SLC39A10: variants seen among roughly 807,000 people sequenced by gnomAD.
SLC39A10 encodes the protein zinc transporter ZIP10.
A neutral mutation model predicts 65.1 loss-of-function variants in SLC39A10; 13 were observed. That is an observed-to-expected ratio of 0.20 (90% CI 0.13 to 0.32). The LOEUF (loss-of-function observed/expected upper bound fraction) is 0.32. Among genes scored for constraint, SLC39A10 ranks in the 10% least tolerant of loss-of-function variants. The pLI is 1.00. For synonymous variants in SLC39A10, 321 were observed against 342.2 expected (o/e 0.94, Z 0.68); for missense variants, 831 against 1,018.4 (o/e 0.82, Z 2.50).
chr2:195,682,238 T>C (rs773837523), intron 2 of SLC39A10, among the ~76,000 whole-genome samples: 1 of 152,214 alleles, frequency 6.6e-6, no homozygotes, highest in Non-Finnish European at 1.5e-5. Context: ...GTTGTTCATA[T>C]GTATAGAAAG....
chr2:195,683,556 A>T, intron 2 of SLC39A10, 143 bp from the exon 3 acceptor site: 1 of 631,956 alleles, frequency 1.6e-6, no homozygotes, highest in Non-Finnish European at 2.6e-6. Context: ...TTCTTATTAA[A>T]AAGTTTTATT....
intron 4 of SLC39A10, among the ~76,000 whole-genome samples, chr2:195,708,426 A>G (rs745709506): frequency 5.9e-5 from 9 of 152,208 alleles, no homozygotes; most frequent in Non-Finnish European, 8.8e-5. Flanking sequence ...TCTTATTCTT[A>G]TAGCATTTGA....
At chr2:195,731,368 C>T (rs1366099071) in intron 9 of SLC39A10, among the ~76,000 whole-genome samples, 2 of 152,128 alleles carry the variant, frequency 1.3e-5, no homozygotes, top group African/African-American at 4.8e-5. Context: ...AAATTTAAAT[C>T]TCCCCTTCAA....
intron 1 of SLC39A10, among the ~76,000 whole-genome samples, chr2:195,675,468 C>A (rs1015390710): frequency 6.6e-6 from 1 of 152,200 alleles, no homozygotes; most frequent in Non-Finnish European, 1.5e-5. Context: ...CATAGTCTCG[C>A]TCTGTCGCCC....
rs990994447 is a variant in SLC39A10, at chr2:195,736,152, A to G, written c.*1111A>G. The G allele has an allele frequency of 2.6e-5, 4 of 152,626 alleles. No homozygotes were observed. Among genetic ancestry groups the G allele is most frequent in the African/African-American group, 4.8e-5 (2 of 41,450 alleles). 9.5% of individuals were successfully genotyped at this position (152,626 alleles called of 1,614,324 possible). A position where few individuals can be genotyped will look rare whatever the true frequency, so the allele number is the denominator to read the frequency against. Reference sequence around the variant, plus strand: ...ATTGCCATGGCTGTCATGGTACCCAAGTGACTTGGAAGATGCATTTAAATT... The same window carrying G: ...ATTGCCATGGCTGTCATGGTACCCAGGTGACTTGGAAGATGCATTTAAATT... On this transcript the variant is annotated 3_prime_UTR_variant, in exon 10 of 10. Coordinates refer to ENST00000359634, the MANE Select transcript of SLC39A10 (RefSeq NM_020342.3).
At chr2:195,709,065 C>A (rs1291363063) in intron 5 of SLC39A10, among the ~76,000 whole-genome samples, 1 of 152,076 alleles carries the variant, frequency 6.6e-6, no homozygotes, top group African/African-American at 2.4e-5. Flanking sequence ...CCCTCTGTCA[C>A]CTAGGCTGCA....
chr2:195,723,888 C>T (rs994344308), intron 8 of SLC39A10, among the ~76,000 whole-genome samples: 13 of 152,176 alleles, frequency 8.5e-5, no homozygotes, highest in African/African-American at 3.1e-4. Context: ...CAATCCTGCA[C>T]ATGTACCCCA....
chr2:195,718,454 C>A, intron 8 of SLC39A10, 122 bp downstream of exon 8: 1 of 591,214 alleles, frequency 1.7e-6, no homozygotes, highest in Non-Finnish European at 3.0e-6. Flanking sequence ...TATAGTGTCA[C>A]TAATTGTAAG....
At chr2:195,698,117 TG>T (rs1691041786) in intron 3 of SLC39A10, among the ~76,000 whole-genome samples, 1 of 152,166 alleles carries the variant, frequency 6.6e-6, no homozygotes, top group Non-Finnish European at 1.5e-5. Flanking sequence ...AAATCTTTTT[TG>T]TTTTTTTTAA....
intron 2 of SLC39A10, among the ~76,000 whole-genome samples, chr2:195,620,924 G>A (rs62203576): frequency 0.081 from 12,378 of 152,132 alleles, 615 homozygotes; most frequent in Admixed American, 0.14. Flanking sequence ...TTCTTGGATC[G>A]CTCATCCATT....
chr2:195,661,248 T>C (rs1361079886), intron 1 of SLC39A10, among the ~76,000 whole-genome samples: 1 of 152,202 alleles, frequency 6.6e-6, no homozygotes, highest in Non-Finnish European at 1.5e-5. Flanking sequence ...TTTTTTTCTT[T>C]TTATTATCCC....
chr2:195,737,433 T>TTCAC lies in SLC39A10; in HGVS notation c.*2392_*2393insTCAC, dbSNP rs1692682487. On this transcript the variant is annotated 3_prime_UTR_variant, in exon 10 of 10. Coordinates refer to ENST00000359634, the MANE Select transcript of SLC39A10 (RefSeq NM_020342.3). The stretch of plus-strand genomic sequence containing the variant: ...GTGATTGATTGATTATGCTTAGAAA[T>TTCAC]ACTATAGTAACTAGATGCAGTGTGA... 6.3e-6 allele frequency: 1 copy of TTCAC among 159,702 alleles called. No individual in the cohort carries two copies. The highest frequency in any genetic ancestry group is 2.4e-5 in the African/African-American group (1 of 41,446). The allele number at this position is 159,702 out of a possible 1,614,324, so 9.9% of individuals were successfully genotyped here.
chr2:195,687,610 T>G (rs1186681081), intron 3 of SLC39A10, among the ~76,000 whole-genome samples: 4 of 152,248 alleles, frequency 2.6e-5, no homozygotes, highest in Non-Finnish European at 5.9e-5. Context: ...CAGCTTGAAT[T>G]AATTATGTGC....
intron 1 of SLC39A10, among the ~76,000 whole-genome samples, chr2:195,666,939 G>C (rs1689658848): frequency 6.6e-6 from 1 of 152,204 alleles, no homozygotes. Flanking sequence ...CAGGTTCCCT[G>C]TAATGAAAGG....
At chr2:195,699,130 A>G (rs998732726) in intron 3 of SLC39A10, among the ~76,000 whole-genome samples, 2 of 151,784 alleles carry the variant, frequency 1.3e-5, no homozygotes, top group African/African-American at 4.8e-5. Context: ...TTTCTTTGTA[A>G]TCAGTAGTAA....
At chr2:195,677,319 G>A (rs1171222242) in intron 1 of SLC39A10, among the ~76,000 whole-genome samples, 1 of 147,254 alleles carries the variant, frequency 6.8e-6, no homozygotes, top group Admixed American at 6.7e-5. Context: ...GGGAATTTGA[G>A]TTGGGAGGAG....
rs1236135421 is a variant in SLC39A10, at chr2:195,672,268, G to A, written c.-11-7764G>A. On this transcript the variant is annotated intron_variant, in intron 1 of 9. Coordinates refer to ENST00000359634, the MANE Select transcript of SLC39A10 (RefSeq NM_020342.3). ...ACCTTAGCCTGTTAAGTAGCTGGGA[G>A]TACAGGCATACACCACCACACCAGC... Among the ~76,000 whole-genome samples, 2 of 152,014 alleles carry A rather than the reference G, an allele frequency of 1.3e-5. 1 individual carries two copies. Among genetic ancestry groups the A allele is most frequent in the Non-Finnish European group, 2.9e-5 (2 of 67,988 alleles).
At chr2:195,679,695 A>G (rs960436046) in intron 1 of SLC39A10, among the ~76,000 whole-genome samples, 1 of 152,168 alleles carries the variant, frequency 6.6e-6, no homozygotes, top group African/African-American at 2.4e-5. Flanking sequence ...GGTTAGATAC[A>G]TTCCTAGCTA....
chr2:195,732,275 T>C (rs1692455166), intron 9 of SLC39A10, among the ~76,000 whole-genome samples: 1 of 152,238 alleles, frequency 6.6e-6, no homozygotes, highest in African/African-American at 2.4e-5. Flanking sequence ...AAGACTTTTA[T>C]TGATTTAAAG....
Sources: allele counts gnomAD v4.1 joint callset (sites outside exome capture counted in the v4.1 genomes callset), GRCh38; gene constraint gnomAD v4.1.1; transcripts MANE v1.5; gene names NCBI Gene and HGNC (gene_info 2026-07-23, HGNC 2026-07-21).